The following NDRG3 variants were observed in gnomAD, a reference collection of about 807,000 sequenced individuals.
NDRG3 encodes the protein protein NDRG3.
In NDRG3, 23 loss-of-function variants were observed where a neutral mutation model predicts 57.2. That is an observed-to-expected ratio of 0.40 (90% CI 0.29 to 0.57). The LOEUF (loss-of-function observed/expected upper bound fraction) is 0.57, where lower values mean the gene tolerates loss of function less well. NDRG3 is among the 20% of genes least tolerant of loss of function. The pLI is 0.42. For missense variants in NDRG3, 384 were observed against 457.3 expected (o/e 0.84, Z 1.46); for synonymous variants, 132 against 162.6 (o/e 0.81, Z 1.43).
intron 2 of NDRG3, among the ~76,000 whole-genome samples, chr20:36,716,796 C>T (rs1984305990): frequency 6.6e-6 from 1 of 152,048 alleles, no homozygotes; most frequent in Non-Finnish European, 1.5e-5. Context: ...ATTACAAGGT[C>T]TTTTGGGTGA....
chr20:36,677,321 GC>G (rs1283871635), intron 8 of NDRG3, among the ~76,000 whole-genome samples: 1 of 152,212 alleles, frequency 6.6e-6, no homozygotes, highest in Non-Finnish European at 1.5e-5. Flanking sequence ...TCCCAGTAAG[GC>G]CCCACCCTCA....
At chr20:36,725,796 C>T (rs1225128570) in intron 1 of NDRG3, among the ~76,000 whole-genome samples, 1 of 152,088 alleles carries the variant, frequency 6.6e-6, no homozygotes, top group Non-Finnish European at 1.5e-5. Flanking sequence ...TTAATTCACT[C>T]ACTGGAAAGC....
chr20:36,711,473 T>C (rs1489771362), intron 2 of NDRG3, among the ~76,000 whole-genome samples: 3 of 152,158 alleles, frequency 2.0e-5, no homozygotes, highest in African/African-American at 7.2e-5. Flanking sequence ...AATTAAAATC[T>C]CATAGAATAT....
chr20:36,653,722 G>C lies in NDRG3; in HGVS notation c.947-21C>G. On this transcript the variant is annotated intron_variant, in intron 15 of 15. Coordinates refer to ENST00000349004, the MANE Select transcript of NDRG3 (RefSeq NM_032013.4). This position sits in a 1 kb window ranked among gnomAD's most constrained non-coding sequence, Gnocchi z 4.2. ...TGGTACTGTAACAGAGAACCAAGGG[G>C]ACTAGAAGATGAAGCCCCGGTTAAG... The C allele has an allele frequency of 6.2e-7, 1 of 1,603,942 alleles. No homozygotes were observed. Among genetic ancestry groups the C allele is most frequent in the Non-Finnish European group, 8.5e-7 (1 of 1,174,864 alleles).
In NDRG3 at chr20:36,680,861, A is replaced by T; in HGVS notation, c.486T>A (p.Asn162Lys). Reference sequence around the variant, plus strand: ...TCCAGCCTTTAGCGCAAGGGTCAACATTAATGAGCACAAGGCCTTCCACAA... The same window carrying T: ...TCCAGCCTTTAGCGCAAGGGTCAACTTTAATGAGCACAAGGCCTTCCACAA... The part of the protein sequence containing the change: ...PELVEGLVLI[N>K]VDPCAKGWID... Residue 162 changes from asparagine to lysine, a missense_variant, in exon 8 of 16, where the codon AAT (asparagine) becomes AAA (lysine). Physicochemically the swap from Asn to Lys is moderately conservative, Grantham distance 94. Coordinates refer to ENST00000349004, the MANE Select transcript of NDRG3 (RefSeq NM_032013.4). 1.2e-6 allele frequency: 2 copies of T among 1,614,142 alleles called. No homozygotes were observed. Among genetic ancestry groups the T allele is most frequent in the Non-Finnish European group, 1.7e-6 (2 of 1,179,990 alleles).
chr20:36,731,509 T>C (rs539459867), intron 1 of NDRG3, among the ~76,000 whole-genome samples: 110 of 152,166 alleles, frequency 7.2e-4, no homozygotes, highest in Admixed American at 1.4e-3. Flanking sequence ...CATCACTTTT[T>C]AGAAATATAG....
chr20:36,711,625 A>G (rs564284718), intron 2 of NDRG3, among the ~76,000 whole-genome samples: 2 of 152,314 alleles, frequency 1.3e-5, no homozygotes, highest in South Asian at 4.2e-4. Flanking sequence ...GGGGCATGCC[A>G]AAAGCAGAAA....
At chr20:36,689,646 G>T (rs1982088902) in intron 3 of NDRG3, among the ~76,000 whole-genome samples, 1 of 151,906 alleles carries the variant, frequency 6.6e-6, no homozygotes, top group Admixed American at 6.6e-5. Context: ...TAAACTTACG[G>T]CCATAGCTTA....
At chr20:36,697,329 T>G (rs1411865347) in intron 3 of NDRG3, among the ~76,000 whole-genome samples, 5 of 152,204 alleles carry the variant, frequency 3.3e-5, no homozygotes, top group Admixed American at 6.5e-5. Context: ...CCTTAAATTC[T>G]GGTGCTCATT....
intron 1 of NDRG3, among the ~76,000 whole-genome samples, chr20:36,733,342 T>G (rs2148220956): frequency 6.6e-6 from 1 of 152,014 alleles, no homozygotes; most frequent in South Asian, 2.1e-4. Context: ...CTTGCCAGGA[T>G]GTGCTGACAC....
rs537564406 is a variant in NDRG3, at chr20:36,688,745, T to C, written c.133A>G (p.Thr45Ala). The C allele has an allele frequency of 1.7e-5, 27 of 1,614,006 alleles. No homozygotes were observed. The South Asian group carries it at 2.3e-4, about 14-fold the overall frequency. The change falls in exon 4 of 16, where the codon ACT becomes GCT. Residue 45 changes from threonine (T) to alanine (A), a missense_variant. Coordinates refer to ENST00000349004, the MANE Select transcript of NDRG3 (RefSeq NM_032013.4). Reference sequence around the variant, plus strand: ...TTTCCTTTGGGTAAGCCTCTTATAGTGACGTGGACCACACCATGAGTTGTT... The same window carrying C: ...TTTCCTTTGGGTAAGCCTCTTATAGCGACGTGGACCACACCATGAGTTGTT... ...IETTHGVVHV[T>A]IRGLPKGNRP... is the part of the protein sequence containing the mutation.
intron 1 of NDRG3, among the ~76,000 whole-genome samples, chr20:36,744,107 T>G (rs1986065380): frequency 6.6e-6 from 1 of 151,902 alleles, no homozygotes; most frequent in Non-Finnish European, 1.5e-5. Flanking sequence ...TTTCCCCGTA[T>G]TAGCCAGGAT....
chr20:36,680,145 T>C (rs1282345126), intron 8 of NDRG3, among the ~76,000 whole-genome samples: 8 of 151,128 alleles, frequency 5.3e-5, no homozygotes, highest in Admixed American at 4.6e-4. Flanking sequence ...TTAGAACTAC[T>C]GCTACATACA....
intron 9 of NDRG3, among the ~76,000 whole-genome samples, chr20:36,668,208 C>T (rs1207583105): frequency 6.6e-6 from 1 of 152,218 alleles, no homozygotes; most frequent in Admixed American, 6.5e-5. Flanking sequence ...CACCACTGCA[C>T]TCCAGCCAGG....
At chr20:36,674,830 T>C (rs1173781053) in intron 8 of NDRG3, among the ~76,000 whole-genome samples, 2 of 146,612 alleles carry the variant, frequency 1.4e-5, no homozygotes, top group Admixed American at 6.9e-5. Flanking sequence ...GCGATCCTCC[T>C]GTCTTGGCCT....
At chr20:36,722,942 A>G (rs914685792) in intron 1 of NDRG3, among the ~76,000 whole-genome samples, 1 of 152,208 alleles carries the variant, frequency 6.6e-6, no homozygotes, top group African/African-American at 2.4e-5. Flanking sequence ...TAGCTGCCAA[A>G]TCATCAGGAC....
In NDRG3 at chr20:36,687,973, G is replaced by A. The variant is rs573044772; in HGVS notation, c.200-361C>T. On this transcript the variant is annotated intron_variant, in intron 4 of 15. Coordinates refer to ENST00000349004, the MANE Select transcript of NDRG3 (RefSeq NM_032013.4). ...CAAACAGACACTGATTATACCCCAA[G>A]AGCACAGGTGGCGTGAATGTCCTGA... is the stretch of plus-strand genomic sequence containing the variant. 4.6e-5 allele frequency among the ~76,000 whole-genome samples: 7 copies of A among 152,294 alleles called. No homozygotes were observed. The South Asian group carries it at 1.5e-3, about 32-fold the overall frequency.
At chr20:36,692,262 C>T (rs959952492) in intron 3 of NDRG3, among the ~76,000 whole-genome samples, 2 of 152,108 alleles carry the variant, frequency 1.3e-5, no homozygotes, top group African/African-American at 4.8e-5. Context: ...CTCTATCGCC[C>T]GCCCAGGCTG....
intron 8 of NDRG3, among the ~76,000 whole-genome samples, chr20:36,680,214 C>T (rs1981137332): frequency 6.6e-6 from 1 of 151,274 alleles, no homozygotes; most frequent in African/African-American, 2.4e-5. Flanking sequence ...AGGCTGGGTG[C>T]GGTGGCTCAC....
Sources: gnomAD v4.1 joint callset for allele counts (sites outside exome capture counted in the v4.1 genomes callset) on GRCh38, gnomAD v4.1.1 for gene constraint, Gnocchi (gnomAD v3.1) non-coding constraint, MANE v1.5 for transcripts, NCBI Gene and HGNC (gene_info 2026-07-23, HGNC 2026-07-21) for gene names.